The following LRIG1 variants were observed in gnomAD, a reference collection of about 807,000 sequenced individuals.
LRIG1 encodes the protein leucine-rich repeats and immunoglobulin-like domains protein 1.
In LRIG1, 48 loss-of-function variants were observed where a neutral mutation model predicts 99.2. The observed-to-expected ratio is 0.48, with a 90% confidence interval of 0.38 to 0.62. The LOEUF is 0.62. LRIG1 is among the 20% of genes least tolerant of loss of function. The pLI, the probability that LRIG1 is intolerant of heterozygous loss-of-function variation, is 0.00. For synonymous variants in LRIG1, 772 were observed against 596.1 expected, an observed-to-expected ratio of 1.29 and a Z score of -4.30; for missense variants, 1,646 against 1,434.4, an observed-to-expected ratio of 1.15 and a Z score of -2.38.
In LRIG1 at chr3:66,382,345, G is replaced by A; in HGVS notation, c.2545C>T (p.Leu849Phe). 1 of 1,614,204 alleles carries A rather than the reference G, an allele frequency of 6.2e-7. No homozygotes were observed. The highest frequency in any genetic ancestry group is 8.5e-7 in the Non-Finnish European group (1 of 1,180,024). Residue 849 changes from leucine to phenylalanine, a missense_variant, in exon 16 of 19, where the codon CTT becomes TTT. Transcript: ENST00000273261. ...ACCACGGTTTCTTGTCGGTCAGAAAGGGTCCCCTGAGAAGAGAGGTAGCTT... is the reference window on the plus strand; with the variant it reads ...ACCACGGTTTCTTGTCGGTCAGAAAAGGTCCCCTGAGAAGAGAGGTAGCTT... Reference protein sequence around the residue: ...VPSYLSSQGTLSDRQETVVRT... With the variant: ...VPSYLSSQGTFSDRQETVVRT...
intron 1 of LRIG1, among the ~76,000 whole-genome samples, chr3:66,467,707 G>C (rs1700507047): frequency 6.6e-6 from 1 of 152,220 alleles, no homozygotes; most frequent in South Asian, 2.1e-4. Flanking sequence ...GTGGCTAGTG[G>C]CTATCAAAAT....
intron 13 of LRIG1, 26 bp from the exon 14 acceptor site, chr3:66,384,298 G>A (rs762984512): frequency 2.8e-5 from 44 of 1,594,362 alleles, no homozygotes; most frequent in African/African-American, 5.4e-5. Flanking sequence ...ATACAGGGTC[G>A]GGTTACGGGA....
chr3:66,458,610 G>A (rs1351945346), intron 2 of LRIG1, among the ~76,000 whole-genome samples: 4 of 152,166 alleles, frequency 2.6e-5, no homozygotes, highest in Non-Finnish European at 5.9e-5. Context: ...ACTGAGGCAT[G>A]AGAATCACTT....
chr3:66,447,792 G>A (rs1575699725), intron 3 of LRIG1, among the ~76,000 whole-genome samples: 1 of 152,084 alleles, frequency 6.6e-6, no homozygotes, highest in African/African-American at 2.4e-5. Flanking sequence ...CAACACCACC[G>A]GAAAAACAGA....
At chr3:66,445,486 G>A (rs571293463) in intron 3 of LRIG1, among the ~76,000 whole-genome samples, 1 of 152,140 alleles carries the variant, frequency 6.6e-6, no homozygotes, top group South Asian at 2.1e-4. Flanking sequence ...TCCGAAGGAA[G>A]GATGGGGCAA....
intron 3 of LRIG1, among the ~76,000 whole-genome samples, chr3:66,429,874 G>C (rs1703105434): frequency 7.0e-6 from 1 of 141,882 alleles, no homozygotes; most frequent in Non-Finnish European, 1.5e-5. Flanking sequence ...CTCCATTTCT[G>C]TAAACTTACA....
intron 3 of LRIG1, among the ~76,000 whole-genome samples, chr3:66,439,383 A>AT (rs576312367): frequency 6.6e-6 from 1 of 152,078 alleles, no homozygotes; most frequent in African/African-American, 2.4e-5. Context: ...TCCAAGGGGA[A>AT]TTTTTTTTCT....
intron 3 of LRIG1, among the ~76,000 whole-genome samples, chr3:66,438,008 G>A (rs1018528815): frequency 6.6e-6 from 1 of 152,180 alleles, no homozygotes; most frequent in Non-Finnish European, 1.5e-5. Context: ...GGGAAGCCAC[G>A]AAGGGACCCT....
At position 66,385,994 on chromosome 3, in the gene LRIG1, C is replaced by T; in HGVS notation, c.1776G>A (p.Arg592=). The T allele has an allele frequency of 2.5e-6, 4 of 1,613,898 alleles. No individual in the cohort carries two copies. Among genetic ancestry groups the T allele is most frequent in the Non-Finnish European group, 3.4e-6 (4 of 1,179,870 alleles). ...GTGTTTCCATACCATTCACGGTGAG[C>T]CTGGCCTTATGTGAATAGGTGGAGC... The part of the protein sequence containing the change: ...HFGSTYSHKA[R]LTVNVLPSFT... Residue 592 remains arginine (R), a synonymous_variant, in exon 13 of 19, where the codon AGG becomes AGA. Transcript: ENST00000273261.
At chr3:66,390,039 G>A (rs141763692) in intron 12 of LRIG1, among the ~76,000 whole-genome samples, 133 of 152,112 alleles carry the variant, frequency 8.7e-4, no homozygotes, top group Non-Finnish European at 2.6e-4. Context: ...AGCCAAATTA[G>A]GACTTTTAGG....
At chr3:66,386,329 C>G (rs369314607) in intron 12 of LRIG1, 28 bp from the exon 13 acceptor site, 1 of 1,595,246 alleles carries the variant, frequency 6.3e-7, no homozygotes, top group Admixed American at 1.7e-5. Context: ...AACTGTAAAG[C>G]GCTGGGTTCT....
chr3:66,443,968 G>A (rs1703632093), intron 3 of LRIG1, among the ~76,000 whole-genome samples: 1 of 152,180 alleles, frequency 6.6e-6, no homozygotes, highest in Non-Finnish European at 1.5e-5. Flanking sequence ...AGTAGGGTGG[G>A]GGAAAAAATG....
chr3:66,500,471 G>T lies in LRIG1; in HGVS notation c.-64C>A. ...TGTGAGGACCCGAACGGCCGCAGAC[G>T]CGGGCGGGCCCGCGGGGCGCTCCGC... On this transcript the variant is annotated 5_prime_UTR_variant, in exon 1 of 19. Coordinates refer to ENST00000273261, the MANE Select transcript of LRIG1 (RefSeq NM_015541.3). The T allele has an allele frequency of 9.8e-7, 1 of 1,022,280 alleles. No individual in the cohort carries two copies. Among genetic ancestry groups the T allele is most frequent in the Non-Finnish European group, 1.3e-6 (1 of 773,640 alleles). 63.3% of individuals were successfully genotyped at this position (1,022,280 alleles called of 1,614,324 possible). A position where few individuals can be genotyped will look rare whatever the true frequency, so the allele number is the denominator to read the frequency against.
intron 14 of LRIG1, 130 bp from the exon 15 acceptor site, chr3:66,383,531 A>G: frequency 2.4e-6 from 2 of 846,342 alleles, no homozygotes; most frequent in South Asian, 3.7e-5. Context: ...CAGAGTGGCA[A>G]GCTTTGGAGA....
chr3:66,442,860 C>T (rs1344003286), intron 3 of LRIG1, among the ~76,000 whole-genome samples: 3 of 152,208 alleles, frequency 2.0e-5, no homozygotes, highest in South Asian at 2.1e-4. Context: ...GGGATCTCCC[C>T]TTCCTCGGCT....
intron 13 of LRIG1, among the ~76,000 whole-genome samples, chr3:66,384,555 G>A (rs1464501385): frequency 1.3e-5 from 2 of 152,200 alleles, no homozygotes; most frequent in East Asian, 3.9e-4. Flanking sequence ...GCCTATACGG[G>A]AGTTGCAGGG....
Position 66,394,817 on chromosome 3 carries a change from T to C in LRIG1, c.1305-614A>G, listed in dbSNP as rs547016131. ...TAAGCCCCGTCACTGTGCCACCCTC[T>C]TGTTTGTGCCTTGATCTTTGCACCA... On this transcript the variant is annotated intron_variant, in intron 11 of 18. Coordinates refer to ENST00000273261, the MANE Select transcript of LRIG1 (RefSeq NM_015541.3). Among the ~76,000 whole-genome samples the C allele has an allele frequency of 9.2e-5, 14 of 152,356 alleles. No individual in the cohort carries two copies. In the South Asian group the frequency reaches 2.5e-3, roughly 27 times the overall value.
chr3:66,462,587 C>T (rs187091419), intron 1 of LRIG1, 78 bp from the exon 2 acceptor site: 164 of 940,758 alleles, frequency 1.7e-4, no homozygotes, highest in African/African-American at 1.7e-3. Context: ...TTCTCTTCTC[C>T]TGGCTCCCCC....
intron 6 of LRIG1, 26 bp from the exon 7 acceptor site, chr3:66,410,298 G>A (rs1371350518): frequency 6.3e-7 from 1 of 1,577,708 alleles, no homozygotes; most frequent in Admixed American, 1.8e-5. Context: ...TGCACAGGAT[G>A]AAGAGGAGCT....
Sources: allele counts gnomAD v4.1 joint callset (sites outside exome capture counted in the v4.1 genomes callset), GRCh38; gene constraint gnomAD v4.1.1; transcripts MANE v1.5; gene names NCBI Gene and HGNC (gene_info 2026-07-23, HGNC 2026-07-21).